The following OSBP2 variants were observed in gnomAD, a reference collection of about 807,000 sequenced individuals.
The protein encoded by OSBP2 is oxysterol-binding protein 2.
A neutral mutation model predicts 96.0 loss-of-function variants in OSBP2; 66 were observed. The ratio of observed to expected loss-of-function variants is 0.69; its 90% CI spans 0.56 to 0.84. The LOEUF (loss-of-function observed/expected upper bound fraction) is 0.84, where lower values mean the gene tolerates loss of function less well. OSBP2 is among the 40% of genes least tolerant of loss of function. The probability of loss-of-function intolerance (pLI) is 0.00; values close to 1 mark genes in which losing one functional copy is unlikely to be tolerated. For missense variants in OSBP2, 1,038 were observed against 1,222.7 expected, an observed-to-expected ratio of 0.85 and a Z score of 2.25; for synonymous variants, 525 against 520.9, an observed-to-expected ratio of 1.01 and a Z score of -0.11.
intron 9 of OSBP2, 109 bp from the exon 10 acceptor site, chr22:30,893,354 C>A: frequency 1.3e-6 from 2 of 1,534,620 alleles, no homozygotes; most frequent in Non-Finnish European, 9.0e-7. Context: ...TCCCTGTAGG[C>A]CTGCCTCTTC....
chr22:30,741,011 G>A, intron 1 of OSBP2, 150 bp from the exon 2 acceptor site: 1 of 651,968 alleles, frequency 1.5e-6, no homozygotes, highest in Non-Finnish European at 2.7e-6. Flanking sequence ...CGACCAGGCA[G>A]TTCCAATAGG....
chr22:30,848,221 T>G (rs1307293435), intron 2 of OSBP2, among the ~76,000 whole-genome samples: 1 of 152,170 alleles, frequency 6.6e-6, no homozygotes, highest in Non-Finnish European at 1.5e-5. Context: ...AAATAGTGCT[T>G]TTAGGATGTT....
chr22:30,718,874 C>G (rs1428345221), intron 1 of OSBP2, among the ~76,000 whole-genome samples: 1 of 152,180 alleles, frequency 6.6e-6, no homozygotes, highest in Admixed American at 6.5e-5. Context: ...GGGAGCCTTG[C>G]GGGCAGACTG....
intron 2 of OSBP2, among the ~76,000 whole-genome samples, chr22:30,813,171 C>CTTTT (rs911860511): frequency 8.9e-5 from 7 of 78,590 alleles, no homozygotes; most frequent in Non-Finnish European, 1.2e-4. Context: ...ATGTTGCATT[C>CTTTT]TTTTTTTTTT....
chr22:30,776,862 C>G (rs1033673621), intron 2 of OSBP2, among the ~76,000 whole-genome samples: 14 of 152,202 alleles, frequency 9.2e-5, no homozygotes, highest in African/African-American at 3.4e-4. Flanking sequence ...GGGAACCCAC[C>G]TCTTGCATCA....
intron 1 of OSBP2, among the ~76,000 whole-genome samples, chr22:30,728,997 T>C (rs2089700148): frequency 6.6e-6 from 1 of 152,212 alleles, no homozygotes; most frequent in Admixed American, 6.5e-5. Context: ...ATGTACACAT[T>C]ACTAATGCCG....
intron 1 of OSBP2, among the ~76,000 whole-genome samples, chr22:30,739,160 A>G (rs527248263): frequency 2.6e-5 from 4 of 152,296 alleles, no homozygotes; most frequent in East Asian, 3.9e-4. Context: ...CATTGATTGT[A>G]ATTGGAAATG....
chr22:30,849,725 A>C (rs2038941510), intron 2 of OSBP2, among the ~76,000 whole-genome samples: 2 of 152,060 alleles, frequency 1.3e-5, no homozygotes, highest in African/African-American at 4.8e-5. Context: ...ACATGATTTT[A>C]ATTTTGATGA....
At position 30,695,485 on chromosome 22, in the gene OSBP2, G is replaced by A. The variant is rs770012050; in HGVS notation, c.576G>A (p.Trp192Ter). Reference protein sequence around the residue: ...LDSFEGWLLKWTNYLKGYQRR... With the variant: ...LDSFEGWLLK ...GCTTCGAGGGCTGGCTTCTCAAGTG[G>A]ACCAACTATCTGAAGGGCTACCAGC... The change falls in exon 1 of 14, where the codon TGG (tryptophan) becomes TGA (stop). Residue 192 changes from tryptophan (W) to a stop codon, truncating the protein, a stop_gained. Transcript: ENST00000332585. LOFTEE classifies it high-confidence loss of function. The A allele has an allele frequency of 6.2e-7, 1 of 1,613,298 alleles. No homozygotes were observed. Among genetic ancestry groups the A allele is most frequent in the Admixed American group, 1.7e-5 (1 of 60,034 alleles).
At chr22:30,879,332 AAGCCAGATGGTGTTG>A (rs1160879502) in intron 3 of OSBP2, among the ~76,000 whole-genome samples, 4 of 152,246 alleles carry the variant, frequency 2.6e-5, no homozygotes, top group African/African-American at 9.6e-5. Flanking sequence ...GGCAAACTGG[AAGCCAGATGGTGTTG>A]GTTCCTGTGT....
At chr22:30,731,889 C>T (rs1429182405) in intron 1 of OSBP2, among the ~76,000 whole-genome samples, 1 of 152,184 alleles carries the variant, frequency 6.6e-6, no homozygotes, top group Non-Finnish European at 1.5e-5. Flanking sequence ...CCTGCACTAC[C>T]CACCCTAGAC....
rs2039447171 is a variant in OSBP2, at chr22:30,871,026, ACACAGCTGC to A, written c.1107+349_1107+357del. 6.6e-6 allele frequency among the ~76,000 whole-genome samples: 1 copy of A among 152,030 alleles called. No individual in the cohort carries two copies. The highest frequency in any genetic ancestry group is 1.5e-5 in the Non-Finnish European group (1 of 67,996). ...GGTCAGTTCTGCCCACACAGTAGGG[ACACAGCTGC>A]CACACTGGCCCTCGGTGGCTGCTAC... On this transcript the variant is annotated intron_variant, in intron 3 of 13. Coordinates refer to ENST00000332585, the MANE Select transcript of OSBP2 (RefSeq NM_030758.4). This position sits in a 1 kb window ranked among gnomAD's most constrained non-coding sequence, Gnocchi z 4.7.
intron 2 of OSBP2, among the ~76,000 whole-genome samples, chr22:30,787,061 G>A (rs965788353): frequency 1.3e-5 from 2 of 152,266 alleles, no homozygotes; most frequent in African/African-American, 2.4e-5. Flanking sequence ...GCCTCCCAAA[G>A]TGCTGGGATT....
chr22:30,821,772 A>G (rs966756753), intron 2 of OSBP2, among the ~76,000 whole-genome samples: 19 of 152,240 alleles, frequency 1.2e-4, no homozygotes, highest in Admixed American at 7.2e-4. Flanking sequence ...TCTGGGGAAA[A>G]CTAGGATTCT....
chr22:30,855,480 T>G (rs1415380217), intron 2 of OSBP2, among the ~76,000 whole-genome samples: 1 of 152,220 alleles, frequency 6.6e-6, no homozygotes, highest in Non-Finnish European at 1.5e-5. Flanking sequence ...AAATGCTTAA[T>G]GAACGGTAAA....
At chr22:30,767,336 C>T (rs556405297) in intron 2 of OSBP2, among the ~76,000 whole-genome samples, 4 of 151,562 alleles carry the variant, frequency 2.6e-5, no homozygotes, top group African/African-American at 9.7e-5. Context: ...TGTTGTTATA[C>T]AAAATAAACA....
At chr22:30,733,024 G>T (rs930304981) in intron 1 of OSBP2, among the ~76,000 whole-genome samples, 5 of 152,218 alleles carry the variant, frequency 3.3e-5, no homozygotes, top group African/African-American at 4.8e-5. Context: ...GGCACTACAG[G>T]CAGGGAAGGC....
At chr22:30,904,504 C>A (rs1310970141) in intron 12 of OSBP2, among the ~76,000 whole-genome samples, 2 of 152,148 alleles carry the variant, frequency 1.3e-5, no homozygotes, top group Admixed American at 6.5e-5. Context: ...ATTCCAAACA[C>A]AACACATTCA....
chr22:30,794,378 C>T (rs1020912871), intron 2 of OSBP2, among the ~76,000 whole-genome samples: 1 of 151,452 alleles, frequency 6.6e-6, no homozygotes, highest in African/African-American at 2.4e-5. Context: ...GATTCTCCTG[C>T]CTCAGCCTCC....
Sources: gnomAD v4.1 joint callset for allele counts (sites outside exome capture counted in the v4.1 genomes callset) on GRCh38, gnomAD v4.1.1 for gene constraint, Gnocchi (gnomAD v3.1) non-coding constraint, MANE v1.5 for transcripts, NCBI Gene and HGNC (gene_info 2026-07-23, HGNC 2026-07-21) for gene names.